GPATCH2L: variants seen among roughly 807,000 people sequenced by gnomAD.
GPATCH2L encodes G patch domain-containing protein 2-like.
A neutral mutation model predicts 57.4 loss-of-function variants in GPATCH2L; 31 were observed. That is an observed-to-expected ratio of 0.54 (90% CI 0.41 to 0.73). The LOEUF (loss-of-function observed/expected upper bound fraction) is 0.73, where lower values mean the gene tolerates loss of function less well. Among genes scored for constraint, GPATCH2L ranks in the 30% least tolerant of loss-of-function variants. The pLI, the probability that GPATCH2L is intolerant of heterozygous loss-of-function variation, is 0.00. For missense variants in GPATCH2L, 481 were observed against 599.9 expected (o/e 0.80, Z 2.07); for synonymous variants, 199 against 210.7 (o/e 0.94, Z 0.48).
intron 8 of GPATCH2L, 62 bp from the exon 9 acceptor site, chr14:76,195,816 T>G: frequency 8.2e-7 from 1 of 1,226,742 alleles, no homozygotes; most frequent in Non-Finnish European, 1.2e-6. Context: ...CTGGGCTACA[T>G]GTAATGTCTT....
At chr14:76,176,894 G>T (rs1388183829) in intron 6 of GPATCH2L, among the ~76,000 whole-genome samples, 1 of 151,900 alleles carries the variant, frequency 6.6e-6, no homozygotes, top group Non-Finnish European at 1.5e-5. Flanking sequence ...TCACTGTATT[G>T]TTTTTTTATA....
chr14:76,226,420 C>G (rs948058549), intron 1 of GPATCH2L, among the ~76,000 whole-genome samples: 24 of 152,144 alleles, frequency 1.6e-4, no homozygotes, highest in African/African-American at 5.6e-4. Flanking sequence ...TGTTACAAAT[C>G]AGGATTGTGC....
chr14:76,235,433 C>G (rs924398052), intron 2 of GPATCH2L, among the ~76,000 whole-genome samples: 2 of 152,186 alleles, frequency 1.3e-5, no homozygotes, highest in Admixed American at 6.5e-5. Flanking sequence ...CCTGGACAAG[C>G]TCTCTTGCCT....
downstream of GPATCH2L, among the ~76,000 whole-genome samples, chr14:76,217,378 C>G (rs143317219): frequency 1.1e-3 from 172 of 152,166 alleles, no homozygotes; most frequent in African/African-American, 3.9e-3. Flanking sequence ...CATAATAATG[C>G]GACTGAACTC....
intron 8 of GPATCH2L, among the ~76,000 whole-genome samples, chr14:76,187,678 A>T (rs907997477): frequency 6.6e-6 from 1 of 152,106 alleles, no homozygotes; most frequent in Non-Finnish European, 1.5e-5. Flanking sequence ...CACATCATGG[A>T]GAATGGGGTA....
In GPATCH2L at chr14:76,200,540, G is replaced by T. The variant is rs193128649; in HGVS notation, c.1289-1151G>T. 1.2e-3 allele frequency among the ~76,000 whole-genome samples: 190 copies of T among 152,236 alleles called. 1 individual carries two copies. The highest frequency in any genetic ancestry group is 4.2e-3 in the African/African-American group (174 of 41,550). ...GTTGTCAAATGTATTTCCTGCTGCT[G>T]TGGTGACGTTCCAAAATGTTTGAAA... is the stretch of plus-strand genomic sequence containing the variant. On this transcript the variant is annotated intron_variant, in intron 9 of 9. Coordinates refer to ENST00000261530, the MANE Select transcript of GPATCH2L (RefSeq NM_017926.4).
chr14:76,230,453 G>A (rs964829262), intron 2 of GPATCH2L: 7 of 152,038 alleles, frequency 4.6e-5, no homozygotes, highest in Non-Finnish European at 8.8e-5. Context: ...TTCCTCAACT[G>A]TAGAATAGAT....
chr14:76,172,099 C>A, intron 4 of GPATCH2L, 80 bp downstream of exon 4: 2 of 856,392 alleles, frequency 2.3e-6, no homozygotes, highest in South Asian at 2.1e-5. Flanking sequence ...CAAGCATACT[C>A]ATGCCTTCAA....
intron 9 of GPATCH2L, among the ~76,000 whole-genome samples, chr14:76,197,431 GT>G: frequency 6.6e-6 from 1 of 152,304 alleles, no homozygotes; most frequent in East Asian, 1.9e-4. Context: ...AAGTGTACGT[GT>G]GTGGGGGTGG....
chr14:76,174,789 T>A (rs2039246172), intron 5 of GPATCH2L: 1 of 152,080 alleles, frequency 6.6e-6, no homozygotes, highest in Admixed American at 6.6e-5. Context: ...CGCCCCACCA[T>A]GCCTGGCTAA....
chr14:76,230,316 C>G (rs906274234), intron 2 of GPATCH2L: 2 of 152,046 alleles, frequency 1.3e-5, no homozygotes, highest in Admixed American at 6.6e-5. Flanking sequence ...GTGATCACCA[C>G]TTTGTTTTCT....
At chr14:76,216,879 GA>G (rs1276109985), downstream of GPATCH2L, among the ~76,000 whole-genome samples, 2 of 152,126 alleles carry the variant, frequency 1.3e-5, no homozygotes, top group Non-Finnish European at 2.9e-5. Flanking sequence ...AATTGCATAT[GA>G]AAGTTCAGGA....
chr14:76,213,683 CA>C lies in GPATCH2L; in HGVS notation c.*11836del, dbSNP rs1318773015. 6.6e-6 allele frequency: 1 copy of C among 152,034 alleles called. No homozygotes were observed. Among genetic ancestry groups the C allele is most frequent in the Non-Finnish European group, 1.5e-5 (1 of 68,006 alleles). The allele number at this position is 152,034 out of a possible 1,614,324, so 9.4% of individuals were successfully genotyped here. ...TTCACATTCTCAGGGGCTCTTGATCCAAAACCTTTTTTAAAAAAAATAATTT... is the reference window on the plus strand; with the variant it reads ...TTCACATTCTCAGGGGCTCTTGATCCAAACCTTTTTTAAAAAAAATAATTT... On this transcript the variant is annotated 3_prime_UTR_variant, in exon 10 of 10. Coordinates refer to ENST00000261530, the MANE Select transcript of GPATCH2L (RefSeq NM_017926.4).
chr14:76,231,622 TACACACAC>T (rs60488808), intron 2 of GPATCH2L, among the ~76,000 whole-genome samples: 4 of 147,472 alleles, frequency 2.7e-5, no homozygotes, highest in East Asian at 2.0e-4. Flanking sequence ...ACTAAACACA[TACACACAC>T]ACACACACAC....
intron 2 of GPATCH2L, among the ~76,000 whole-genome samples, chr14:76,232,257 A>T (rs1022907832): frequency 6.6e-6 from 1 of 152,196 alleles, no homozygotes; most frequent in Non-Finnish European, 1.5e-5. Context: ...TAATGGCTGT[A>T]TCAAACACAC....
chr14:76,191,930 A>C (rs1386610907), intron 8 of GPATCH2L, among the ~76,000 whole-genome samples: 1 of 151,280 alleles, frequency 6.6e-6, no homozygotes, highest in African/African-American at 2.4e-5. Flanking sequence ...ATCCTTCTCT[A>C]TCCCTTCCTT....
chr14:76,152,531 A>G, intron 1 of GPATCH2L: 1 of 390,394 alleles, frequency 2.6e-6, no homozygotes, highest in Non-Finnish European at 5.1e-6. Flanking sequence ...CTTGCTGTCC[A>G]CCAGCTACCC....
chr14:76,193,864 G>A (rs1370617465), intron 8 of GPATCH2L, among the ~76,000 whole-genome samples: 4 of 152,266 alleles, frequency 2.6e-5, no homozygotes, highest in Non-Finnish European at 4.4e-5. Flanking sequence ...GTTTGACTTT[G>A]TTTCTCCTTC....
rs143986646 is a variant in GPATCH2L, at chr14:76,157,480, A to G, written c.662+2455A>G. 1.2e-4 allele frequency among the ~76,000 whole-genome samples: 19 copies of G among 152,362 alleles called. No individual in the cohort carries two copies. The East Asian group carries it at 3.7e-3, about 29-fold the overall frequency. On this transcript the variant is annotated intron_variant, in intron 2 of 9. Transcript: ENST00000261530. ...TTTTCCCTGCATTTTTAAAAGAAAT[A>G]CTTTCAAGAATCTTCTTGGTTACCC...
Sources: allele counts gnomAD v4.1 joint callset (sites outside exome capture counted in the v4.1 genomes callset), GRCh38; gene constraint gnomAD v4.1.1; transcripts MANE v1.5; gene names NCBI Gene and HGNC (gene_info 2026-07-23, HGNC 2026-07-21).